XG: variants seen among roughly 807,000 people sequenced by gnomAD.
XG encodes the protein glycoprotein Xg.
Under a neutral mutation model 25.7 loss-of-function variants are expected in XG, and 24 were observed. The observed-to-expected ratio is 0.93, with a 90% CI of 0.68 to 1.31. XG has a LOEUF of 1.31. Ranked by LOEUF, XG falls within the 40% of genes most tolerant of loss-of-function variation. The pLI, the probability that XG is intolerant of heterozygous loss-of-function variation, is 0.00. For missense variants in XG, 181 were observed against 187.6 expected (o/e 0.96, Z 0.21); for synonymous variants, 77 against 69.2 (o/e 1.11, Z -0.56).
rs1242651090 is a variant in XG, at chrX:2,803,568, G to T, written c.374-3133G>T. ...GGGTAGGGGCTTGGGAAGTGGGGAG[G>T]GCTGATTGGTCAGGTTGCAGAGGGA... On this transcript the variant is annotated intron_variant, in intron 7 of 10. Coordinates refer to ENST00000644266, the MANE Select transcript of XG (RefSeq NM_001141919.2). Among the ~76,000 whole-genome samples the T allele has an allele frequency of 1.2e-3, 134 of 109,532 alleles. 1 individual carries two copies. The highest frequency in any genetic ancestry group is 3.4e-4 in the Non-Finnish European group (18 of 52,588).
At chrX:2,769,003 G>A (rs1253849206) in intron 1 of XG, among the ~76,000 whole-genome samples, 7 of 152,190 alleles carry the variant, frequency 4.6e-5, no homozygotes, top group Non-Finnish European at 1.0e-4. Context: ...AGGGGCAGCT[G>A]CTGTGTGCAC....
chrX:2,791,576 C>G (rs2086838226), intron 5 of XG, among the ~76,000 whole-genome samples: 1 of 109,686 alleles, frequency 9.1e-6, no homozygotes, highest in African/African-American at 3.3e-5. Flanking sequence ...GAGGTGGTTC[C>G]TCCCTCTGCA....
At chrX:2,785,149 T>A in intron 4 of XG, among the ~76,000 whole-genome samples, 1 of 112,392 alleles carries the variant, frequency 8.9e-6, no homozygotes, top group East Asian at 2.8e-4. Flanking sequence ...AGTTGCATTC[T>A]TCTAAGTCCT....
chrX:2,801,645 G>T (rs1487121196), intron 7 of XG, among the ~76,000 whole-genome samples: 1 of 111,900 alleles, frequency 8.9e-6, no homozygotes, highest in Non-Finnish European at 1.9e-5. Context: ...CCTAGTTCCT[G>T]CCGGCATTCA....
chrX:2,798,479 T>C (rs2086906379), intron 7 of XG, among the ~76,000 whole-genome samples: 2 of 108,058 alleles, frequency 1.9e-5, no homozygotes, highest in South Asian at 8.5e-4. Flanking sequence ...CAAGTGATTC[T>C]CCTGCCTCAG....
chrX:2,794,458 T>C, intron 5 of XG, 77 bp from the exon 6 acceptor site: 1 of 1,073,712 alleles, frequency 9.3e-7, no homozygotes, highest in Non-Finnish European at 1.3e-6. Flanking sequence ...CCTGTGCCAG[T>C]GCCCCCAGCG....
chrX:2,774,188 C>A (rs2050922094), intron 2 of XG, among the ~76,000 whole-genome samples: 2 of 152,160 alleles, frequency 1.3e-5, no homozygotes, highest in Non-Finnish European at 2.9e-5. Context: ...CTTCCTCAAA[C>A]CTCCTCCTGC....
intron 2 of XG, among the ~76,000 whole-genome samples, chrX:2,773,276 G>C (rs1351155283): frequency 6.7e-6 from 1 of 148,868 alleles, no homozygotes; most frequent in Non-Finnish European, 1.5e-5. Flanking sequence ...CTGAGGGGAG[G>C]AAGGAAGAAG....
chrX:2,791,159 G>A (rs534776760), intron 5 of XG, among the ~76,000 whole-genome samples: 1 of 109,909 alleles, frequency 9.1e-6, no homozygotes, highest in Admixed American at 9.7e-5. Context: ...TCCCATCTCC[G>A]CCTTGGCAAT....
rs1448941288 is a variant in XG at position 2,764,078 on chromosome X, G to A, written c.62-6472G>A. On this transcript the variant is annotated intron_variant, in intron 1 of 10. Transcript: ENST00000644266. ...TGAAACAGCTTGCCGTAAAGAAGTCGGCCAAATTTTACCAAATCCAAGATG... is the reference window on the plus strand; with the variant it reads ...TGAAACAGCTTGCCGTAAAGAAGTCAGCCAAATTTTACCAAATCCAAGATG... Among the ~76,000 whole-genome samples the A allele has an allele frequency of 2.0e-5, 3 of 152,136 alleles. No homozygotes were observed. In the East Asian group the frequency reaches 5.8e-4, roughly 29 times the overall value.
chrX:2,759,112 C>T lies in XG; in HGVS notation c.61+6777C>T, dbSNP rs74935136. Reference sequence around the variant, plus strand: ...CTATCTGTGACATTCTTCTGCTACCCAGGGATAATTGTGTTCCTCGAGTAA... The same window carrying T: ...CTATCTGTGACATTCTTCTGCTACCTAGGGATAATTGTGTTCCTCGAGTAA... On this transcript the variant is annotated intron_variant, in intron 1 of 10. Transcript: ENST00000644266. 4.2e-3 allele frequency among the ~76,000 whole-genome samples: 644 copies of T among 152,224 alleles called. 2 individuals carry two copies. The highest frequency in any genetic ancestry group is 7.3e-3 in the Non-Finnish European group (495 of 68,016).
chrX:2,784,905 G>T (rs5982856), intron 4 of XG, among the ~76,000 whole-genome samples: 18,514 of 112,107 alleles, frequency 0.17, 2,133 homozygotes, highest in African/African-American at 0.42. Flanking sequence ...TCTGAGACAG[G>T]TCTCAATCAG....
At chrX:2,762,937 G>A (rs1172122080) in intron 1 of XG, among the ~76,000 whole-genome samples, 3 of 152,206 alleles carry the variant, frequency 2.0e-5, no homozygotes, top group Non-Finnish European at 4.4e-5. Flanking sequence ...AGCTTGATAA[G>A]CAAGAAGGTG....
At chrX:2,802,828 CT>C (rs751556513) in intron 7 of XG, among the ~76,000 whole-genome samples, 4 of 111,245 alleles carry the variant, frequency 3.6e-5, no homozygotes, top group Admixed American at 9.6e-5. Flanking sequence ...AATTTCTAAT[CT>C]TGTGACTAAT....
At chrX:2,777,657 T>TA (rs992253243) in intron 3 of XG, among the ~76,000 whole-genome samples, 4 of 152,040 alleles carry the variant, frequency 2.6e-5, no homozygotes, top group African/African-American at 4.8e-5. Flanking sequence ...AGGAAGGAAT[T>TA]AAAAAAGAAG....
chrX:2,777,903 A>G (rs2051036842), intron 3 of XG, among the ~76,000 whole-genome samples: 6 of 152,206 alleles, frequency 3.9e-5, no homozygotes. Context: ...TACTAAAAAT[A>G]CAAATAAAAT....
At chrX:2,806,425 A>AT (rs1321284587) in intron 7 of XG, among the ~76,000 whole-genome samples, 40 of 108,603 alleles carry the variant, frequency 3.7e-4, no homozygotes, top group African/African-American at 6.0e-4. Flanking sequence ...ATTTGCTGGC[A>AT]TTTTTTTTTA....
rs1398061638 is a variant in XG, at chrX:2,752,251, G to C, written c.-24G>C. ...TCCGCTTGGCTGGGGAGTCCACTGAGGTTCTTGCATCCTGAAGCAAACCAT... is the reference window on the plus strand; with the variant it reads ...TCCGCTTGGCTGGGGAGTCCACTGACGTTCTTGCATCCTGAAGCAAACCAT... On this transcript the variant is annotated 5_prime_UTR_variant, in exon 1 of 11. Transcript: ENST00000644266. The C allele has an allele frequency of 2.0e-5, 33 of 1,613,634 alleles. No homozygotes were observed. Among genetic ancestry groups the C allele is most frequent in the Non-Finnish European group, 2.7e-5 (32 of 1,179,734 alleles).
chrX:2,774,557 C>T (rs1174081995), intron 2 of XG, among the ~76,000 whole-genome samples, 159 bp from the exon 3 acceptor site: 2 of 151,996 alleles, frequency 1.3e-5, no homozygotes, highest in Admixed American at 1.3e-4. Flanking sequence ...GTTTTCTTGT[C>T]TTTTTTCTCA....
Sources: allele counts gnomAD v4.1 joint callset (sites outside exome capture counted in the v4.1 genomes callset), GRCh38; gene constraint gnomAD v4.1.1; transcripts MANE v1.5; gene names NCBI Gene and HGNC (gene_info 2026-07-23, HGNC 2026-07-21).